GRM3: variants seen among roughly 807,000 people sequenced by gnomAD.
GRM3 encodes metabotropic glutamate receptor 3.
Under a neutral mutation model 70.5 loss-of-function variants are expected in GRM3, and 26 were observed. That is an observed-to-expected ratio of 0.37 (90% CI 0.27 to 0.51). The LOEUF is 0.51. GRM3 is among the 20% of genes least tolerant of loss of function. GRM3 has a pLI of 0.93. For missense variants in GRM3, 859 were observed against 1,123.8 expected, an observed-to-expected ratio of 0.76 and a Z score of 3.37; for synonymous variants, 443 against 434.9, an observed-to-expected ratio of 1.02 and a Z score of -0.23.
rs1797234394 is a variant in GRM3 at position 86,786,178 on chromosome 7, AGG to A, written c.469-82_469-81del. 1 of 1,160,374 alleles carries A rather than the reference AGG, an allele frequency of 8.6e-7. No homozygotes were observed. Among genetic ancestry groups the A allele is most frequent in the Non-Finnish European group, 1.2e-6 (1 of 808,128 alleles). The allele number at this position is 1,160,374 out of a possible 1,614,324, so 71.9% of individuals were successfully genotyped here. On this transcript the variant is annotated intron_variant, in intron 2 of 5. Coordinates refer to ENST00000361669, the MANE Select transcript of GRM3 (RefSeq NM_000840.3). The surrounding 1 kb of genome is among the most constrained non-coding windows in gnomAD (Gnocchi z 6.0). Reference sequence around the variant, plus strand: ...GTAGAGGGAAAAGGGAGTCAGTAAAAGGTGTGGATGCTATTATTCATTTTCAT... The same window carrying A: ...GTAGAGGGAAAAGGGAGTCAGTAAAATGTGGATGCTATTATTCATTTTCAT...
intron 1 of GRM3, among the ~76,000 whole-genome samples, chr7:86,649,903 C>T (rs982298422): frequency 3.3e-5 from 5 of 152,122 alleles, no homozygotes; most frequent in African/African-American, 4.8e-5. Flanking sequence ...GTTTCACAAA[C>T]ATGTGTAAAG....
intron 3 of GRM3, among the ~76,000 whole-genome samples, chr7:86,802,821 A>G (rs1584254398): frequency 6.6e-6 from 1 of 152,186 alleles, no homozygotes; most frequent in African/African-American, 2.4e-5. Flanking sequence ...TAATGTGTTT[A>G]AAAGCTTTTC....
intron 1 of GRM3, among the ~76,000 whole-genome samples, chr7:86,740,456 T>C (rs1285726158): frequency 2.6e-5 from 4 of 152,062 alleles, no homozygotes; most frequent in African/African-American, 4.8e-5. Context: ...AAACAACTGT[T>C]TGACAAAAGA....
At chr7:86,803,015 C>T (rs1399071601) in intron 3 of GRM3, among the ~76,000 whole-genome samples, 1 of 152,118 alleles carries the variant, frequency 6.6e-6, no homozygotes, top group Non-Finnish European at 1.5e-5. Flanking sequence ...AGCAATATAC[C>T]ACTTTCTTAG....
intron 3 of GRM3, among the ~76,000 whole-genome samples, chr7:86,822,998 G>A (rs1391447162): frequency 6.6e-6 from 1 of 152,102 alleles, no homozygotes; most frequent in East Asian, 1.9e-4. Flanking sequence ...AAATGCAACA[G>A]GAGAGCCACT....
At chr7:86,658,653 G>C (rs1562815692) in intron 1 of GRM3, among the ~76,000 whole-genome samples, 1 of 152,250 alleles carries the variant, frequency 6.6e-6, no homozygotes, top group East Asian at 1.9e-4. Flanking sequence ...ACCCAGCAAA[G>C]TAAGTACTGC....
intron 3 of GRM3, among the ~76,000 whole-genome samples, chr7:86,790,552 G>A (rs1468833503): frequency 6.6e-6 from 1 of 152,088 alleles, no homozygotes; most frequent in Non-Finnish European, 1.5e-5. Context: ...AACCACTTGA[G>A]TTCCCTTGTT....
intron 1 of GRM3, among the ~76,000 whole-genome samples, chr7:86,662,554 C>G (rs60608353): frequency 0.036 from 5,413 of 151,826 alleles, 319 homozygotes; most frequent in African/African-American, 0.12. Context: ...ATAGATTTTA[C>G]TGATAATAAA....
At chr7:86,680,117 T>C (rs1025376647) in intron 1 of GRM3, among the ~76,000 whole-genome samples, 1 of 152,064 alleles carries the variant, frequency 6.6e-6, no homozygotes, top group African/African-American at 2.4e-5. Context: ...TGCTGAGAAG[T>C]TCAGCCTGTC....
chr7:86,795,174 C>CT (rs1229411788), intron 3 of GRM3, among the ~76,000 whole-genome samples: 3 of 151,784 alleles, frequency 2.0e-5, no homozygotes, highest in Middle Eastern at 3.4e-3. Flanking sequence ...GATTATTTCT[C>CT]TTTTACTTTT....
intron 1 of GRM3, among the ~76,000 whole-genome samples, chr7:86,740,422 A>C (rs1795959160): frequency 6.6e-6 from 1 of 152,174 alleles, no homozygotes; most frequent in Non-Finnish European, 1.5e-5. Flanking sequence ...TGATTCAAAA[A>C]AAAGGCAACC....
chr7:86,820,215 A>C (rs1798092402), intron 3 of GRM3, among the ~76,000 whole-genome samples: 1 of 152,276 alleles, frequency 6.6e-6, no homozygotes, highest in South Asian at 2.1e-4. Flanking sequence ...AGGAGACTGG[A>C]TATTCGAAAA....
At chr7:86,707,895 G>A (rs1240231029) in intron 1 of GRM3, among the ~76,000 whole-genome samples, 1 of 152,016 alleles carries the variant, frequency 6.6e-6, no homozygotes, top group Non-Finnish European at 1.5e-5. Context: ...ACTGATGAAA[G>A]CACTTTACAA....
intron 5 of GRM3, 82 bp downstream of exon 5, chr7:86,850,626 C>T: frequency 2.3e-6 from 2 of 887,094 alleles, no homozygotes; most frequent in South Asian, 1.4e-5. Flanking sequence ...CAACACATGT[C>T]TGTCCCCATG....
intron 1 of GRM3, among the ~76,000 whole-genome samples, chr7:86,686,248 T>C (rs1475997690): frequency 6.6e-6 from 1 of 152,098 alleles, no homozygotes; most frequent in East Asian, 1.9e-4. Context: ...CAGTTTGGCA[T>C]GGGAGAACAG....
At chr7:86,648,270 AT>A (rs1417962024) in intron 1 of GRM3, among the ~76,000 whole-genome samples, 1 of 152,206 alleles carries the variant, frequency 6.6e-6, no homozygotes, top group Non-Finnish European at 1.5e-5. Flanking sequence ...ACCTATGTGA[AT>A]ATTAAGGTGG....
At chr7:86,681,497 A>T (rs1562823728) in intron 1 of GRM3, among the ~76,000 whole-genome samples, 1 of 152,168 alleles carries the variant, frequency 6.6e-6, no homozygotes, top group East Asian at 1.9e-4. Flanking sequence ...AGGAATGAAT[A>T]TGCTCTTTTT....
rs753853928 is a variant in GRM3 at position 86,839,392 on chromosome 7, C to T, written c.1878C>T (p.Tyr626=). The change falls in exon 4 of 6, where the codon TAC becomes TAT. Residue 626 remains tyrosine, a synonymous_variant. Transcript: ENST00000361669. This position sits in a 1 kb window ranked among gnomAD's most constrained non-coding sequence, Gnocchi z 4.5. ...YILLFGVGLS[Y]CMTFFFIAKP... Reference sequence around the variant, plus strand: ...TATTGTTTGGGGTTGGCCTGTCATACTGCATGACATTCTTCTTCATTGCCA... The same window carrying T: ...TATTGTTTGGGGTTGGCCTGTCATATTGCATGACATTCTTCTTCATTGCCA... The T allele has an allele frequency of 8.6e-5, 138 of 1,614,010 alleles. No homozygotes were observed. Among genetic ancestry groups the T allele is most frequent in the Middle Eastern group, 3.3e-4 (2 of 6,084 alleles).
chr7:86,747,913 C>T (rs909839053), intron 1 of GRM3, among the ~76,000 whole-genome samples: 1 of 152,060 alleles, frequency 6.6e-6, no homozygotes, highest in African/African-American at 2.4e-5. Context: ...TCACACCCCA[C>T]TAAACAGCAC....
Sources: gnomAD v4.1 joint callset for allele counts (sites outside exome capture counted in the v4.1 genomes callset) on GRCh38, gnomAD v4.1.1 for gene constraint, Gnocchi (gnomAD v3.1) non-coding constraint, MANE v1.5 for transcripts, NCBI Gene and HGNC (gene_info 2026-07-23, HGNC 2026-07-21) for gene names.